Variants in ANKRD11 observed in about 807,000 individuals in gnomAD.
ANKRD11 encodes ankyrin repeat domain 11.
A neutral mutation model predicts 195.7 loss-of-function variants in ANKRD11; 17 were observed. That is an observed-to-expected ratio of 0.09 (90% CI 0.06 to 0.13). ANKRD11 has a LOEUF of 0.13. Ranked by LOEUF, ANKRD11 falls within the 10% of genes least tolerant of loss-of-function variation. The probability of loss-of-function intolerance (pLI) is 1.00; values close to 1 mark genes in which losing one functional copy is unlikely to be tolerated. For missense variants in ANKRD11, 3,735 were observed against 3,566.1 expected, an observed-to-expected ratio of 1.05 and a Z score of -1.21; for synonymous variants, 1,953 against 1,528.1, an observed-to-expected ratio of 1.28 and a Z score of -6.49.
At chr16:89,345,077 C>A (rs2038874632) in intron 2 of ANKRD11, among the ~76,000 whole-genome samples, 1 of 152,190 alleles carries the variant, frequency 6.6e-6, no homozygotes, top group Non-Finnish European at 1.5e-5. Flanking sequence ...TTCTCAACCA[C>A]TCCCTGCTTA....
At chr16:89,338,028 T>A (rs2151986345) in intron 2 of ANKRD11, among the ~76,000 whole-genome samples, 1 of 152,220 alleles carries the variant, frequency 6.6e-6, no homozygotes, top group African/African-American at 2.4e-5. Context: ...GGTGCCAGTA[T>A]CATGGTGACT....
intron 9 of ANKRD11, 172 bp downstream of exon 9, chr16:89,278,900 T>G (rs2151727577): frequency 1.8e-6 from 2 of 1,135,484 alleles, no homozygotes; most frequent in South Asian, 2.7e-5. Flanking sequence ...CTGGGCAGCT[T>G]CCGGCTTTTG....
intron 2 of ANKRD11, chr16:89,324,131 C>T: frequency 1.2e-6 from 1 of 844,416 alleles, no homozygotes; most frequent in South Asian, 1.9e-5. Context: ...CGGCACAACG[C>T]TCTCTACTGC....
intron 2 of ANKRD11, among the ~76,000 whole-genome samples, chr16:89,359,445 G>A (rs959773059): frequency 1.3e-5 from 2 of 152,228 alleles, no homozygotes; most frequent in African/African-American, 4.8e-5. Flanking sequence ...CCAAGGAGCA[G>A]CGCACACGTC....
intron 11 of ANKRD11, chr16:89,271,149 G>A (rs2033116039): frequency 5.3e-6 from 3 of 570,254 alleles, no homozygotes; most frequent in Non-Finnish European, 9.6e-6. Flanking sequence ...TGGGCACCGG[G>A]TGCCCGCAGG....
chr16:89,401,665 T>G (rs1230302565), intron 2 of ANKRD11, among the ~76,000 whole-genome samples: 1 of 152,148 alleles, frequency 6.6e-6, no homozygotes, highest in Non-Finnish European at 1.5e-5. Flanking sequence ...CCACAGACGA[T>G]GGCCTTCCTG....
chr16:89,433,710 T>C (rs1487292832), intron 1 of ANKRD11, among the ~76,000 whole-genome samples: 1 of 147,426 alleles, frequency 6.8e-6, no homozygotes, highest in Non-Finnish European at 1.5e-5. Flanking sequence ...GCACGCCACC[T>C]TCACGAGAGT....
chr16:89,377,827 G>A (rs982567631), intron 2 of ANKRD11, among the ~76,000 whole-genome samples: 3 of 151,932 alleles, frequency 2.0e-5, no homozygotes, highest in Non-Finnish European at 4.4e-5. Context: ...CACCAAATGC[G>A]CCTGCCTCTC....
At chr16:89,444,125 A>C (rs2043668406) in intron 1 of ANKRD11, among the ~76,000 whole-genome samples, 1 of 152,328 alleles carries the variant, frequency 6.6e-6, no homozygotes, top group Middle Eastern at 3.4e-3. Flanking sequence ...AAGGTAGTTA[A>C]GTATTTTTTT....
chr16:89,417,860 C>T (rs548054444), intron 2 of ANKRD11, among the ~76,000 whole-genome samples: 214 of 152,146 alleles, frequency 1.4e-3, no homozygotes, highest in Admixed American at 2.2e-3. Flanking sequence ...AGGATCCTAA[C>T]GAGCAGAACA....
Position 89,281,732 on chromosome 16 carries a change from T to A in ANKRD11, c.4810A>T (p.Arg1604Trp). 1 of 1,613,834 alleles carries A rather than the reference T, an allele frequency of 6.2e-7. No homozygotes were observed. Among genetic ancestry groups the A allele is most frequent in the Non-Finnish European group, 8.5e-7 (1 of 1,179,970 alleles). The change falls in exon 9 of 13, where the codon AGG (arginine) becomes TGG (tryptophan). Residue 1604 changes from arginine to tryptophan, a missense_variant. Transcript: ENST00000301030. This position sits in a 1 kb window ranked among gnomAD's most constrained non-coding sequence, Gnocchi z 5.5. ...CTCAGCTTCTCCATTTGCTTCATCC[T>A]CTCCTTGTGCCGCTTGTGGCGCTCC... ...IEERHKRHKE[R>W]MKQMEKLRHR...
intron 1 of ANKRD11, among the ~76,000 whole-genome samples, chr16:89,486,072 T>C (rs1298983998): frequency 6.6e-6 from 1 of 152,180 alleles, no homozygotes; most frequent in Non-Finnish European, 1.5e-5. Flanking sequence ...CAACTCTCCC[T>C]TTATGTTTCT....
rs1567594124 is a variant in ANKRD11 at position 89,291,551 on chromosome 16, C to A, written c.227-368G>T. ...GTGACCTGGCTCACACAGGACAGGT[C>A]TCTGTTCAATACACGTGTCTGTAAT... On this transcript the variant is annotated intron_variant, in intron 4 of 12. Transcript: ENST00000301030. This position sits in a 1 kb window ranked among gnomAD's most constrained non-coding sequence, Gnocchi z 5.3. 1.4e-6 allele frequency: 1 copy of A among 730,970 alleles called. No homozygotes were observed. Among genetic ancestry groups the A allele is most frequent in the Non-Finnish European group, 2.1e-6 (1 of 469,848 alleles). The allele number at this position is 730,970 out of a possible 1,614,324, so 45.3% of individuals were successfully genotyped here.
chr16:89,293,734 C>T (rs1357976835), intron 4 of ANKRD11, among the ~76,000 whole-genome samples: 2 of 142,532 alleles, frequency 1.4e-5, no homozygotes, highest in Non-Finnish European at 3.1e-5. Context: ...GGTGGGGCTG[C>T]GGAGGGAGGA....
chr16:89,407,140 G>A (rs1049342746), intron 2 of ANKRD11, among the ~76,000 whole-genome samples: 1 of 151,838 alleles, frequency 6.6e-6, no homozygotes, highest in Non-Finnish European at 1.5e-5. Flanking sequence ...GAGTTGAGAC[G>A]TGCCACTGCA....
At chr16:89,440,913 AAGAG>A (rs539355537) in intron 1 of ANKRD11, among the ~76,000 whole-genome samples, 131 of 152,324 alleles carry the variant, frequency 8.6e-4, no homozygotes, top group Middle Eastern at 3.4e-3. Flanking sequence ...TCAAAACGGA[AAGAG>A]AGAGCGCATC....
chr16:89,410,789 G>A (rs1352827335), intron 2 of ANKRD11, among the ~76,000 whole-genome samples: 1 of 152,264 alleles, frequency 6.6e-6, no homozygotes, highest in Non-Finnish European at 1.5e-5. Flanking sequence ...TGCCCAGGCA[G>A]AGAGCCCTCT....
chr16:89,323,545 AGGGC>A (rs2037490207), intron 2 of ANKRD11, among the ~76,000 whole-genome samples: 1 of 87,496 alleles, frequency 1.1e-5, no homozygotes, highest in Non-Finnish European at 2.2e-5. Context: ...GGCTGAGCCG[AGGGC>A]AGGGGGTCTG....
intron 2 of ANKRD11, among the ~76,000 whole-genome samples, chr16:89,319,184 AC>A (rs2037148703): frequency 6.6e-6 from 1 of 152,250 alleles, no homozygotes; most frequent in African/African-American, 2.4e-5. Context: ...TGGCCCACGG[AC>A]ACACTCAACA....
Sources: allele counts gnomAD v4.1 joint callset (sites outside exome capture counted in the v4.1 genomes callset), GRCh38; gene constraint gnomAD v4.1.1; non-coding constraint Gnocchi (gnomAD v3.1); transcripts MANE v1.5; gene names NCBI Gene and HGNC (gene_info 2026-07-23, HGNC 2026-07-21).